Variants in NCMAP observed in about 807,000 individuals in gnomAD.
NCMAP encodes the protein noncompact myelin-associated protein.
A neutral mutation model predicts 7.8 loss-of-function variants in NCMAP; 8 were observed. That is an observed-to-expected ratio of 1.02 (90% CI 0.60 to 1.84). The LOEUF (loss-of-function observed/expected upper bound fraction) is 1.84. Among genes scored for constraint, NCMAP ranks in the 40% most tolerant of loss-of-function variants. The probability of loss-of-function intolerance (pLI) is 0.00; values close to 1 mark genes in which losing one functional copy is unlikely to be tolerated. For synonymous variants in NCMAP, 41 were observed against 52.9 expected (o/e 0.78, Z 0.98); for missense variants, 112 against 131.4 (o/e 0.85, Z 0.72).
intron 1 of NCMAP, among the ~76,000 whole-genome samples, chr1:24,565,953 A>G (rs1206340985): frequency 6.6e-6 from 1 of 152,030 alleles, no homozygotes; most frequent in Non-Finnish European, 1.5e-5. Context: ...TGATAGAGTG[A>G]GTTCTCATGA....
chr1:24,573,541 T>C (rs1651449708), intron 1 of NCMAP, among the ~76,000 whole-genome samples: 1 of 150,500 alleles, frequency 6.6e-6, no homozygotes, highest in Non-Finnish European at 1.5e-5. Flanking sequence ...TGAGCTAAGA[T>C]CGCACCATTG....
intron 1 of NCMAP, among the ~76,000 whole-genome samples, chr1:24,580,499 G>A (rs1405223211): frequency 6.6e-6 from 1 of 152,138 alleles, no homozygotes; most frequent in Non-Finnish European, 1.5e-5. Context: ...TCACCAAGCT[G>A]GAGTGCAGTG....
In NCMAP at chr1:24,606,040, A is replaced by G. The variant is rs150204430; in HGVS notation, c.*293A>G. 333 of 372,992 alleles carry G rather than the reference A, an allele frequency of 8.9e-4. No homozygotes were observed. Among genetic ancestry groups the G allele is most frequent in the African/African-American group, 6.6e-3 (314 of 47,768 alleles). The allele number at this position is 372,992 out of a possible 1,614,324, so 23.1% of individuals were successfully genotyped here. A position where few individuals can be genotyped will look rare whatever the true frequency, so the allele number is the denominator to read the frequency against. On this transcript the variant is annotated 3_prime_UTR_variant, in exon 4 of 4. Coordinates refer to ENST00000374392, the MANE Select transcript of NCMAP (RefSeq NM_001010980.5). ...ACCAATGTGGGCTTGGCTTTCCCCC[A>G]CACTGTAGTTAGACAGATAGACAGA...
At position 24,604,585 on chromosome 1, in the gene NCMAP, AAAAAAAAAAAAAAAAAAAAAATATAT is replaced by A. The variant is rs1652621554; in HGVS notation, c.168-1019_168-994del. Reference sequence around the variant, plus strand: ...GGGTAAGACTGTCTAAAAAAAAAAAAAAAAAAAAAAAAAAAAAAAAATATATATATATATATATATATATATATATA... The same window carrying A: ...GGGTAAGACTGTCTAAAAAAAAAAAAATATATATATATATATATATATATA... On this transcript the variant is annotated intron_variant, in intron 3 of 3. Transcript: ENST00000374392. 9.4e-5 allele frequency among the ~76,000 whole-genome samples: 5 copies of A among 53,440 alleles called. 1 individual carries two copies. The highest frequency in any genetic ancestry group is 5.8e-4 in the African/African-American group (5 of 8,656). 35.1% of individuals were successfully genotyped at this position (53,440 alleles called of 152,430 possible).
At chr1:24,562,338 T>G (rs1269876410) in intron 1 of NCMAP, among the ~76,000 whole-genome samples, 3 of 152,118 alleles carry the variant, frequency 2.0e-5, no homozygotes, top group African/African-American at 7.2e-5. Flanking sequence ...TATAAATGAG[T>G]GCTATTATCA....
Position 24,608,220 on chromosome 1 carries a change from C to T in NCMAP, c.*2473C>T, listed in dbSNP as rs1400203052. The T allele has an allele frequency of 6.6e-6, 1 of 152,200 alleles. No homozygotes were observed. Among genetic ancestry groups the T allele is most frequent in the East Asian group, 1.9e-4 (1 of 5,198 alleles). 9.4% of individuals were successfully genotyped at this position (152,200 alleles called of 1,614,324 possible). On this transcript the variant is annotated 3_prime_UTR_variant, in exon 4 of 4. Transcript: ENST00000374392. The stretch of plus-strand genomic sequence containing the variant: ...CAGCTAGTAAGTCACAAAGACAAGA[C>T]TCAAAACCAGGTCTCTTGACTCCAA...
intron 1 of NCMAP, among the ~76,000 whole-genome samples, chr1:24,565,792 G>T (rs1355931422): frequency 1.3e-5 from 2 of 151,948 alleles, no homozygotes; most frequent in Non-Finnish European, 2.9e-5. Flanking sequence ...TAGAGATGGG[G>T]TCTCACTCTG....
Position 24,572,473 on chromosome 1 carries a change from C to T in NCMAP, c.-8+16304C>T, listed in dbSNP as rs138308498. Among the ~76,000 whole-genome samples the T allele has an allele frequency of 1.2e-4, 18 of 150,710 alleles. 3 individuals carry two copies. The highest frequency in any genetic ancestry group is 4.2e-4 in the African/African-American group (17 of 40,064). ...GGCACCTGCTATGGTTTGTGGGTAA[C>T]AGATATGGTTCTGGGCAGCTCAGAG... On this transcript the variant is annotated intron_variant, in intron 1 of 3. Transcript: ENST00000374392.
At chr1:24,578,681 G>A (rs1459426205) in intron 1 of NCMAP, among the ~76,000 whole-genome samples, 1 of 149,224 alleles carries the variant, frequency 6.7e-6, no homozygotes, top group Non-Finnish European at 1.5e-5. Flanking sequence ...TCCCACATCA[G>A]CCTCCTAAAT....
In NCMAP at chr1:24,608,439, A is replaced by G. The variant is rs1371195516; in HGVS notation, c.*2692A>G. The G allele has an allele frequency of 6.6e-6, 1 of 152,324 alleles. No homozygotes were observed. The highest frequency in any genetic ancestry group is 1.5e-5 in the Non-Finnish European group (1 of 68,116). 9.4% of individuals were successfully genotyped at this position (152,324 alleles called of 1,614,324 possible). A position where few individuals can be genotyped will look rare whatever the true frequency, so the allele number is the denominator to read the frequency against. On this transcript the variant is annotated 3_prime_UTR_variant, in exon 4 of 4. Coordinates refer to ENST00000374392, the MANE Select transcript of NCMAP (RefSeq NM_001010980.5). The stretch of plus-strand genomic sequence containing the variant: ...GGGCATCCATGCTCACGGCCAAAAG[A>G]GCCCCTTCTCAACACATCCAAGTGC...
chr1:24,566,426 T>C (rs1651229924), intron 1 of NCMAP, among the ~76,000 whole-genome samples: 1 of 152,068 alleles, frequency 6.6e-6, no homozygotes, highest in Non-Finnish European at 1.5e-5. Flanking sequence ...TATGAGGCTG[T>C]CTTTGGAAAC....
At chr1:24,602,952 A>G (rs1652560257) in intron 3 of NCMAP, among the ~76,000 whole-genome samples, 1 of 152,050 alleles carries the variant, frequency 6.6e-6, no homozygotes, top group Non-Finnish European at 1.5e-5. Context: ...AGGCAGGAGA[A>G]TCACTTGAAC....
Position 24,605,953 on chromosome 1 carries a change from C to T in NCMAP, c.*206C>T, listed in dbSNP as rs74062049. On this transcript the variant is annotated 3_prime_UTR_variant, in exon 4 of 4. Coordinates refer to ENST00000374392, the MANE Select transcript of NCMAP (RefSeq NM_001010980.5). ...CTGTGTCCACATCCCTGCCGCCACC[C>T]CACCAAAAAGCTGCAGAACATTCTT... The T allele has an allele frequency of 0.019, 10,604 of 559,610 alleles. 904 individuals carry two copies. The highest frequency in any genetic ancestry group is 0.18 in the African/African-American group (9,553 of 52,970). The allele number at this position is 559,610 out of a possible 1,614,324, so 34.7% of individuals were successfully genotyped here. A position where few individuals can be genotyped will look rare whatever the true frequency, so the allele number is the denominator to read the frequency against.
intron 3 of NCMAP, among the ~76,000 whole-genome samples, chr1:24,602,541 G>A (rs1652540869): frequency 8.7e-6 from 1 of 114,322 alleles, no homozygotes; most frequent in Admixed American, 1.0e-4. Flanking sequence ...CAGCACTCCC[G>A]CCTGGGCGAC....
intron 1 of NCMAP, among the ~76,000 whole-genome samples, chr1:24,585,603 C>A (rs1433168196): frequency 6.6e-6 from 1 of 152,098 alleles, no homozygotes; most frequent in Non-Finnish European, 1.5e-5. Flanking sequence ...GGCAGGAAAA[C>A]CAAGGTCCAG....
At chr1:24,580,936 G>A (rs1300764772) in intron 1 of NCMAP, among the ~76,000 whole-genome samples, 1 of 152,140 alleles carries the variant, frequency 6.6e-6, no homozygotes, top group Admixed American at 6.6e-5. Context: ...CGGCTTTTCC[G>A]GCTTTCAAAC....
In NCMAP at chr1:24,606,036, C is replaced by G; in HGVS notation, c.*289C>G. ...ATCCACCAATGTGGGCTTGGCTTTC[C>G]CCCACACTGTAGTTAGACAGATAGA... On this transcript the variant is annotated 3_prime_UTR_variant, in exon 4 of 4. Transcript: ENST00000374392. 2.6e-6 allele frequency: 1 copy of G among 383,744 alleles called. No homozygotes were observed. Among genetic ancestry groups the G allele is most frequent in the Non-Finnish European group, 4.8e-6 (1 of 209,752 alleles). The allele number at this position is 383,744 out of a possible 1,614,324, so 23.8% of individuals were successfully genotyped here.
chr1:24,584,457 G>A (rs1651824365), intron 1 of NCMAP, among the ~76,000 whole-genome samples: 1 of 152,188 alleles, frequency 6.6e-6, no homozygotes, highest in South Asian at 2.1e-4. Flanking sequence ...AGAAGCTCCT[G>A]GAGTCCCCTT....
rs769338367 is a variant in NCMAP, at chr1:24,595,530, T to C, written c.82+18T>C. Reference sequence around the variant, plus strand: ...GTATAAGAGTAAGGTCAAATTCGCTTAGAGGCTGGGGGAAGGATGGCAGGA... The same window carrying C: ...GTATAAGAGTAAGGTCAAATTCGCTCAGAGGCTGGGGGAAGGATGGCAGGA... On this transcript the variant is annotated intron_variant, in intron 2 of 3. Transcript: ENST00000374392. 41 of 1,591,358 alleles carry C rather than the reference T, an allele frequency of 2.6e-5. No individual in the cohort carries two copies. Among genetic ancestry groups the C allele is most frequent in the Non-Finnish European group, 3.4e-5 (39 of 1,159,568 alleles).
Sources: allele counts gnomAD v4.1 joint callset (sites outside exome capture counted in the v4.1 genomes callset), GRCh38; gene constraint gnomAD v4.1.1; transcripts MANE v1.5; gene names NCBI Gene and HGNC (gene_info 2026-07-23, HGNC 2026-07-21).